Variants in TPD52L2 observed in about 807,000 individuals in gnomAD.
TPD52L2 encodes tumor protein D54.
A neutral mutation model predicts 24.7 loss-of-function variants in TPD52L2; 19 were observed. That is an observed-to-expected ratio of 0.77 (90% CI 0.54 to 1.13). The LOEUF (loss-of-function observed/expected upper bound fraction) is 1.13. TPD52L2 is among the 50% of genes most tolerant of loss of function. TPD52L2 has a pLI of 0.00. For synonymous variants in TPD52L2, 104 were observed against 100.2 expected, an observed-to-expected ratio of 1.04 and a Z score of -0.23; for missense variants, 236 against 250.4, an observed-to-expected ratio of 0.94 and a Z score of 0.39.
Position 63,889,943 on chromosome 20 carries a change from T to C in TPD52L2, c.619T>C (p.Ter207GlnextTer54). The C allele has an allele frequency of 6.2e-7, 1 of 1,614,144 alleles. No homozygotes were observed. Among genetic ancestry groups the C allele is most frequent in the Non-Finnish European group, 8.5e-7 (1 of 1,180,038 alleles). The change falls in exon 7 of 7, where the codon TAA (stop) becomes CAA (glutamine). Residue 207 changes from the stop codon to glutamine, a stop_lost. Transcript: ENST00000346249. ...GCCCCTGTCGGATCCCGCACCTTTC[T>C]AAGCCTGTGGTTGCTTCACCCGCTG... ...DKPLSDPAPF[*>Q]
At chr20:63,870,520 G>GTTTTTTTTTTTTTTTTTT (rs959786861) in intron 2 of TPD52L2, among the ~76,000 whole-genome samples, 2 of 94,524 alleles carry the variant, frequency 2.1e-5, no homozygotes, top group Non-Finnish European at 3.9e-5. Flanking sequence ...ATAAGGTGAA[G>GTTTTTTTTTTTTTTTTTT]TTTTTTTTTT....
intron 4 of TPD52L2, chr20:63,876,763 G>C (rs1039264271): frequency 2.2e-6 from 1 of 455,900 alleles, no homozygotes; most frequent in African/African-American, 2.0e-5. Flanking sequence ...CTGGTGTCAC[G>C]GTGGGAGGCT....
chr20:63,876,642 A>G, intron 4 of TPD52L2: 1 of 400,256 alleles, frequency 2.5e-6, no homozygotes, highest in South Asian at 1.7e-5. Flanking sequence ...GCCACAGAAC[A>G]TGGGCAGAAA....
chr20:63,875,990 A>G, intron 4 of TPD52L2, 115 bp downstream of exon 4: 1 of 1,058,334 alleles, frequency 9.4e-7, no homozygotes, highest in Non-Finnish European at 1.4e-6. Context: ...TTTGCTGGCT[A>G]TTTTTTCTTC....
At chr20:63,882,155 C>G (rs2052922590) in intron 4 of TPD52L2, among the ~76,000 whole-genome samples, 1 of 152,236 alleles carries the variant, frequency 6.6e-6, no homozygotes, top group South Asian at 2.1e-4. Flanking sequence ...GGCTGCATGG[C>G]CACTCTGTGA....
chr20:63,885,036 G>A (rs753472260), intron 5 of TPD52L2, among the ~76,000 whole-genome samples: 1 of 152,242 alleles, frequency 6.6e-6, no homozygotes, highest in Non-Finnish European at 1.5e-5. Context: ...TCGAGTTAGA[G>A]ACTGAGGTTG....
intron 3 of TPD52L2, among the ~76,000 whole-genome samples, chr20:63,875,105 GC>G (rs1447219901): frequency 6.6e-6 from 1 of 150,476 alleles, no homozygotes; most frequent in Non-Finnish European, 1.5e-5. Context: ...TTATGCCACT[GC>G]CCTCCAGCCT....
Position 63,889,168 on chromosome 20 carries a change from ACT to A in TPD52L2, c.477-19_477-18del. The A allele has an allele frequency of 3.7e-6, 6 of 1,610,448 alleles. No homozygotes were observed. The highest frequency in any genetic ancestry group is 3.4e-6 in the Non-Finnish European group (4 of 1,178,298). On this transcript the variant is annotated intron_variant, in intron 5 of 6. Transcript: ENST00000346249. ...ACAACCCTCTCCTCTTGACACCGAC[ACT>A]CTTCCCTCTCTCTTTAAAGGAACTC...
chr20:63,885,292 G>C (rs1331314621), intron 5 of TPD52L2, among the ~76,000 whole-genome samples: 1 of 152,194 alleles, frequency 6.6e-6, no homozygotes, highest in African/African-American at 2.4e-5. Flanking sequence ...TCAGAGTGGG[G>C]GTTTACAGCA....
intron 3 of TPD52L2, among the ~76,000 whole-genome samples, chr20:63,874,377 T>TTA (rs2052588523): frequency 6.8e-6 from 1 of 146,678 alleles, no homozygotes; most frequent in Admixed American, 6.9e-5. Flanking sequence ...TTTTTTTTTT[T>TTA]ATTATTATTC....
chr20:63,878,192 C>G (rs1481613380), intron 4 of TPD52L2, among the ~76,000 whole-genome samples: 1 of 152,238 alleles, frequency 6.6e-6, no homozygotes. Flanking sequence ...ATCCTTTCAG[C>G]TATTGGCGCC....
chr20:63,873,868 C>A, intron 3 of TPD52L2, 52 bp downstream of exon 3: 2 of 1,420,544 alleles, frequency 1.4e-6, no homozygotes, highest in Non-Finnish European at 9.2e-7. Flanking sequence ...ACGGGCACCA[C>A]ACGTGCCCCG....
At chr20:63,873,620 A>G (rs2052548927) in intron 2 of TPD52L2, 48 bp from the exon 3 acceptor site, 1 of 1,598,248 alleles carries the variant, frequency 6.3e-7, no homozygotes, top group East Asian at 2.3e-5. Context: ...GATGTTAGTC[A>G]CTTCCTGCAG....
Position 63,890,003 on chromosome 20 carries a change from C to T in TPD52L2, c.*58C>T, listed in dbSNP as rs189635224. ...CGCAACCCAGCCTCAGCATCACAGC[C>T]GCAGCTCTGTTCAGCGGAGCAGCCA... is the stretch of plus-strand genomic sequence containing the variant. On this transcript the variant is annotated 3_prime_UTR_variant, in exon 7 of 7. Coordinates refer to ENST00000346249, the MANE Select transcript of TPD52L2 (RefSeq NM_003288.4). 5 of 1,607,808 alleles carry T rather than the reference C, an allele frequency of 3.1e-6. No individual in the cohort carries two copies. Among genetic ancestry groups the T allele is most frequent in the Middle Eastern group, 1.6e-4 (1 of 6,078 alleles).
chr20:63,865,598 C>T (rs2052186020), intron 1 of TPD52L2, among the ~76,000 whole-genome samples: 1 of 152,208 alleles, frequency 6.6e-6, no homozygotes, highest in East Asian at 1.9e-4. Context: ...GGGCTCTCTC[C>T]AGCCGCCCTC....
At chr20:63,887,442 T>C in intron 5 of TPD52L2, 1 of 1,087,116 alleles carries the variant, frequency 9.2e-7, no homozygotes, top group East Asian at 2.4e-5. Flanking sequence ...GGCAGGCAGC[T>C]CGCTCCAACT....
chr20:63,875,286 G>A (rs2052629704), intron 3 of TPD52L2, among the ~76,000 whole-genome samples: 1 of 151,932 alleles, frequency 6.6e-6, no homozygotes, highest in Admixed American at 6.6e-5. Flanking sequence ...CCCAGATGTC[G>A]CTCAGCTCTG....
At chr20:63,878,209 G>A (rs1475300655) in intron 4 of TPD52L2, among the ~76,000 whole-genome samples, 1 of 152,268 alleles carries the variant, frequency 6.6e-6, no homozygotes, top group Non-Finnish European at 1.5e-5. Context: ...CGCCCTGGAG[G>A]ATGGACGGGA....
chr20:63,875,227 C>T (rs1180939804), intron 3 of TPD52L2, among the ~76,000 whole-genome samples: 2 of 151,566 alleles, frequency 1.3e-5, no homozygotes, highest in East Asian at 1.9e-4. Context: ...TCCCCGATGA[C>T]GACGTGGTCC....
Sources: allele counts gnomAD v4.1 joint callset (sites outside exome capture counted in the v4.1 genomes callset), GRCh38; gene constraint gnomAD v4.1.1; transcripts MANE v1.5; gene names NCBI Gene and HGNC (gene_info 2026-07-23, HGNC 2026-07-21).